Variants in PKNOX1 observed in about 807,000 individuals in gnomAD.
PKNOX1 encodes the protein PBX/knotted 1 homeobox 1.
A neutral mutation model predicts 51.9 loss-of-function variants in PKNOX1; 15 were observed. The observed-to-expected ratio is 0.29, with a 90% CI of 0.19 to 0.45. PKNOX1 has a LOEUF of 0.45. Among genes scored for constraint, PKNOX1 ranks in the 20% least tolerant of loss-of-function variants. The pLI is 1.00. For synonymous variants in PKNOX1, 219 were observed against 211.1 expected, an observed-to-expected ratio of 1.04 and a Z score of -0.32; for missense variants, 462 against 547.5, an observed-to-expected ratio of 0.84 and a Z score of 1.56.
Position 43,010,124 on chromosome 21 carries a change from C to T in PKNOX1, c.251C>T (p.Thr84Ile). The change falls in exon 4 of 11, where the codon ACA (threonine) becomes ATA (isoleucine). Residue 84 changes from threonine to isoleucine, a missense_variant. Physicochemically the swap from Thr to Ile is moderately conservative, Grantham distance 89. This residue lies in a region of PKNOX1 where 129 missense variants were observed against 133.4 expected (regional missense o/e 0.97). Transcript: ENST00000291547. ...CAATCTACACAGGGCTCTGAAGGCA[C>T]AACTTCTGCCAGTTTTGATGTAGAC... ...CEQSTQGSEG[T>I]TSASFDVDIE... The T allele has an allele frequency of 6.2e-7, 1 of 1,606,506 alleles. No homozygotes were observed. Among genetic ancestry groups the T allele is most frequent in the African/African-American group, 1.3e-5 (1 of 74,834 alleles).
intron 1 of PKNOX1, among the ~76,000 whole-genome samples, chr21:42,997,871 C>T (rs532927723): frequency 8.4e-4 from 128 of 152,070 alleles, no homozygotes; most frequent in African/African-American, 2.8e-3. Context: ...CTAAATGTGG[C>T]GATTGGTTTG....
At chr21:43,022,061 G>A (rs983073616) in intron 8 of PKNOX1, among the ~76,000 whole-genome samples, 4 of 152,240 alleles carry the variant, frequency 2.6e-5, no homozygotes, top group African/African-American at 9.6e-5. Flanking sequence ...GCTGATCCAG[G>A]GCAGGAGAGA....
Position 43,032,225 on chromosome 21 carries a change from C to T in PKNOX1, c.*2124C>T. ...TGAACTGTCTTCTCATATTTTAAGT[C>T]AAGTCTATAAGATCATTTTTAACCT... On this transcript the variant is annotated 3_prime_UTR_variant, in exon 11 of 11. Coordinates refer to ENST00000291547, the MANE Select transcript of PKNOX1 (RefSeq NM_004571.5). 2.3e-6 allele frequency: 1 copy of T among 436,600 alleles called. No homozygotes were observed. The highest frequency in any genetic ancestry group is 1.6e-5 in the South Asian group (1 of 63,778). The allele number at this position is 436,600 out of a possible 1,614,324, so 27.0% of individuals were successfully genotyped here.
intron 1 of PKNOX1, among the ~76,000 whole-genome samples, chr21:42,995,412 A>T (rs1241620229): frequency 2.0e-5 from 3 of 151,926 alleles, no homozygotes; most frequent in Admixed American, 1.3e-4. Context: ...GTGCTGTGGC[A>T]CATGCCTGTA....
At chr21:43,006,746 A>T (rs1979004104) in intron 2 of PKNOX1, among the ~76,000 whole-genome samples, 6 of 152,176 alleles carry the variant, frequency 3.9e-5, no homozygotes, top group Admixed American at 3.3e-4. Flanking sequence ...TGCTTCCTCA[A>T]GGGGCAGAAG....
At chr21:43,010,533 C>T (rs1979201411) in intron 4 of PKNOX1, among the ~76,000 whole-genome samples, 1 of 152,092 alleles carries the variant, frequency 6.6e-6, no homozygotes, top group African/African-American at 2.4e-5. Context: ...TCTCTCAAGG[C>T]CCAACCTACC....
At chr21:43,010,984 G>A (rs1979223389) in intron 4 of PKNOX1, among the ~76,000 whole-genome samples, 2 of 152,156 alleles carry the variant, frequency 1.3e-5, no homozygotes, top group African/African-American at 4.8e-5. Context: ...TGTTCGGGTG[G>A]CATGTCTGTG....
intron 1 of PKNOX1, among the ~76,000 whole-genome samples, chr21:42,979,825 C>T (rs1389147687): frequency 6.6e-6 from 1 of 152,182 alleles, no homozygotes; most frequent in South Asian, 2.1e-4. Context: ...TACAGATGCT[C>T]CCAGTGCCTT....
At chr21:42,980,460 A>G (rs1395894895) in intron 1 of PKNOX1, among the ~76,000 whole-genome samples, 2 of 152,224 alleles carry the variant, frequency 1.3e-5, no homozygotes, top group Admixed American at 6.6e-5. Flanking sequence ...TGCGGCTTAC[A>G]CTTTTGTTGC....
intron 2 of PKNOX1, among the ~76,000 whole-genome samples, chr21:43,005,866 C>T (rs1978966521): frequency 6.6e-6 from 1 of 152,220 alleles, no homozygotes; most frequent in Admixed American, 6.5e-5. Flanking sequence ...CCACCTCCTC[C>T]CAGGCAGCTG....
At chr21:43,008,355 A>G (rs1344896917) in intron 3 of PKNOX1, among the ~76,000 whole-genome samples, 1 of 152,224 alleles carries the variant, frequency 6.6e-6, no homozygotes, top group Non-Finnish European at 1.5e-5. Context: ...AATACAGGCC[A>G]ATATCCTTCA....
chr21:43,001,879 G>A (rs762022937), intron 1 of PKNOX1, among the ~76,000 whole-genome samples: 12 of 152,086 alleles, frequency 7.9e-5, no homozygotes, highest in Non-Finnish European at 1.3e-4. Flanking sequence ...AGAATGGTGT[G>A]AACCTGGGAG....
At chr21:42,986,356 C>T (rs1274105874) in intron 1 of PKNOX1, among the ~76,000 whole-genome samples, 1 of 152,062 alleles carries the variant, frequency 6.6e-6, no homozygotes, top group Non-Finnish European at 1.5e-5. Context: ...GAAAAATTAG[C>T]CAGGCATGGT....
chr21:43,009,630 A>G (rs969291290), intron 3 of PKNOX1, among the ~76,000 whole-genome samples: 6 of 150,102 alleles, frequency 4.0e-5, no homozygotes, highest in Admixed American at 2.7e-4. Context: ...AAAAAAAAAA[A>G]GGAATAAAGT....
chr21:43,015,553 C>T (rs1601295671), intron 5 of PKNOX1, among the ~76,000 whole-genome samples: 1 of 152,232 alleles, frequency 6.6e-6, no homozygotes, highest in Middle Eastern at 3.4e-3. Context: ...GTTTTTCATA[C>T]TGTCTTTGGT....
At chr21:42,984,974 CTTTTTTTTTTTTTTT>C (rs71195904) in intron 1 of PKNOX1, among the ~76,000 whole-genome samples, 3 of 57,998 alleles carry the variant, frequency 5.2e-5, no homozygotes, top group Admixed American at 2.9e-4. Flanking sequence ...ATTTTCTTTT[CTTTTTTTTTTTTTTT>C]TTTTTTTTTT....
Position 43,030,331 on chromosome 21 carries a change from T to C in PKNOX1, c.*230T>C, listed in dbSNP as rs1980208763. The C allele has an allele frequency of 1.6e-5, 6 of 371,918 alleles. No homozygotes were observed. Among genetic ancestry groups the C allele is most frequent in the Non-Finnish European group, 1.4e-5 (3 of 207,268 alleles). 23.0% of individuals were successfully genotyped at this position (371,918 alleles called of 1,614,324 possible). A position where few individuals can be genotyped will look rare whatever the true frequency, so the allele number is the denominator to read the frequency against. On this transcript the variant is annotated 3_prime_UTR_variant, in exon 11 of 11. Coordinates refer to ENST00000291547, the MANE Select transcript of PKNOX1 (RefSeq NM_004571.5). ...TGTGTGGATTTTTAAAGAAATTCTT[T>C]AAAGGTTTAACGCTAGATTGTGAGG...
intron 1 of PKNOX1, among the ~76,000 whole-genome samples, chr21:43,003,115 T>G (rs1377448039): frequency 6.6e-6 from 1 of 152,234 alleles, no homozygotes; most frequent in African/African-American, 2.4e-5. Flanking sequence ...TCTCCTAAAG[T>G]GCTGCTTTCC....
rs370775680 is a variant in PKNOX1, at chr21:42,985,948, C to T, written c.-57+11284C>T. Among the ~76,000 whole-genome samples the T allele has an allele frequency of 4.2e-5, 6 of 144,306 alleles. No homozygotes were observed. In the East Asian group the frequency reaches 1.0e-3, roughly 25 times the overall value. The allele number at this position is 144,306 out of a possible 152,430, so 94.7% of individuals were successfully genotyped here. On this transcript the variant is annotated intron_variant, in intron 1 of 10. Coordinates refer to ENST00000291547, the MANE Select transcript of PKNOX1 (RefSeq NM_004571.5). ...CCTGGGAGGTGGAGATTGCAGTGAGCTGAAATCGTGCCATTGCAGTCTAGC... is the reference window on the plus strand; with the variant it reads ...CCTGGGAGGTGGAGATTGCAGTGAGTTGAAATCGTGCCATTGCAGTCTAGC...
Sources: allele counts gnomAD v4.1 joint callset (sites outside exome capture counted in the v4.1 genomes callset), GRCh38; gene constraint gnomAD v4.1.1; regional missense constraint gnomAD v4.1.1; transcripts MANE v1.5; gene names NCBI Gene and HGNC (gene_info 2026-07-23, HGNC 2026-07-21).